Variants in SLC26A9 observed in about 807,000 individuals in gnomAD.
The protein encoded by SLC26A9 is solute carrier family 26 member 9.
A neutral mutation model predicts 87.1 loss-of-function variants in SLC26A9; 46 were observed. That is an observed-to-expected ratio of 0.53 (90% CI 0.42 to 0.67). The LOEUF is 0.67. Among genes scored for constraint, SLC26A9 ranks in the 30% least tolerant of loss-of-function variants. The probability of loss-of-function intolerance (pLI) is 0.00; values close to 1 mark genes in which losing one functional copy is unlikely to be tolerated. For synonymous variants in SLC26A9, 437 were observed against 409.1 expected (o/e 1.07, Z -0.82); for missense variants, 927 against 1,018.3 (o/e 0.91, Z 1.22).
intron 11 of SLC26A9, 77 bp downstream of exon 11, chr1:205,927,134 T>C (rs1659102925): frequency 6.7e-7 from 1 of 1,491,558 alleles, no homozygotes; most frequent in Non-Finnish European, 9.3e-7. Context: ...TTGTGGTCCG[T>C]AAAGTGCCAC....
At chr1:205,930,123 C>CGA in intron 5 of SLC26A9, 67 bp from the exon 6 acceptor site, 2 of 1,502,296 alleles carry the variant, frequency 1.3e-6, no homozygotes, top group Non-Finnish European at 9.0e-7. Context: ...AACGACCCGC[C>CGA]CCACACACAC....
Position 205,915,282 on chromosome 1 carries a change from T to C in SLC26A9, c.*75A>G. ...ACTTTCCTCCGCCCGACACCCCCTG[T>C]GACCCCAGGCTCATCCTTTATGGAA... On this transcript the variant is annotated 3_prime_UTR_variant, in exon 21 of 21. Coordinates refer to ENST00000367135, the MANE Select transcript of SLC26A9 (RefSeq NM_052934.4). The C allele has an allele frequency of 6.2e-7, 1 of 1,607,294 alleles. No homozygotes were observed. The highest frequency in any genetic ancestry group is 1.3e-5 in the African/African-American group (1 of 74,928).
chr1:205,921,880 G>A, intron 16 of SLC26A9, 33 bp from the exon 17 acceptor site: 3 of 1,587,478 alleles, frequency 1.9e-6, no homozygotes, highest in Non-Finnish European at 2.6e-6. Context: ...CAGAGTCAGG[G>A]ACCACCAGAC....
In SLC26A9 at chr1:205,921,821, C is replaced by G. The variant is rs757875271; in HGVS notation, c.1800G>C (p.Gln600His). Reference sequence around the variant, plus strand: ...CGGTGGGGGGCGCATTCTCAAAGTCCTGCTGCAGCTCCTGCAGGGAGACAG... The same window carrying G: ...CGGTGGGGGGCGCATTCTCAAAGTCGTGCTGCAGCTCCTGCAGGGAGACAG... ...TKTVSLQELQ[Q>H]DFENAPPTDP... Residue 600 changes from glutamine to histidine, a missense_variant, in exon 17 of 21, where the codon CAG becomes CAC. By Grantham distance (24) the Gln-to-His change is conservative. Transcript: ENST00000367135. 91 of 1,607,168 alleles carry G rather than the reference C, an allele frequency of 5.7e-5. No individual in the cohort carries two copies. The highest frequency in any genetic ancestry group is 7.6e-5 in the Non-Finnish European group (90 of 1,178,054).
intron 2 of SLC26A9, among the ~76,000 whole-genome samples, chr1:205,934,113 A>C (rs531006944): frequency 6.6e-6 from 1 of 152,186 alleles, no homozygotes; most frequent in South Asian, 2.1e-4. Flanking sequence ...TTTCCCTGAC[A>C]CTCGGTCCCC....
chr1:205,930,162 C>T (rs566185848), intron 5 of SLC26A9, 106 bp from the exon 6 acceptor site: 27 of 1,258,284 alleles, frequency 2.1e-5, no homozygotes, highest in Non-Finnish European at 2.7e-5. Flanking sequence ...GCAGTCCTAG[C>T]GTAGCAGTAG....
At position 205,913,055 on chromosome 1, in the gene SLC26A9, A is replaced by G. The variant is rs1658438567; in HGVS notation, c.*2302T>C. ...ACCACCCAAACATGTGCATTTGTTC[A>G]CAATTCAAATCCAGTTTATTACCAA... On this transcript the variant is annotated 3_prime_UTR_variant, in exon 21 of 21. Transcript: ENST00000367135. 1 of 152,232 alleles carries G rather than the reference A, an allele frequency of 6.6e-6. No individual in the cohort carries two copies. The highest frequency in any genetic ancestry group is 2.1e-4 in the South Asian group (1 of 4,832). The allele number at this position is 152,232 out of a possible 1,614,324, so 9.4% of individuals were successfully genotyped here.
Position 205,927,964 on chromosome 1 carries a change from T to C in SLC26A9, c.1039A>G (p.Ile347Val), listed in dbSNP as rs1659149673. ...AGGGTCCGGCCCATAGCCAGGTTGA[T>C]GACGTAGCTCACGATGGCTAGGGAG... ...AFSLAIVSYV[I>V]NLAMGRTLAN... The change falls in exon 9 of 21, where the codon ATC becomes GTC. Residue 347 changes from isoleucine (I) to valine (V), a missense_variant. Ile to Val is a conservative substitution (Grantham distance 29). Transcript: ENST00000367135. 6.2e-7 allele frequency: 1 copy of C among 1,614,070 alleles called. No homozygotes were observed.
rs778174573 is a variant in SLC26A9 at position 205,927,304 on chromosome 1, G to T, written c.1216-16C>A. 2.0e-5 allele frequency: 33 copies of T among 1,614,004 alleles called. No homozygotes were observed. Among genetic ancestry groups the T allele is most frequent in the Non-Finnish European group, 2.6e-5 (31 of 1,179,880 alleles). On this transcript the variant is annotated splice_polypyrimidine_tract_variant and intron_variant, in intron 10 of 20. Coordinates refer to ENST00000367135, the MANE Select transcript of SLC26A9 (RefSeq NM_052934.4). ...GGCTGGCCACCTATTCCGAGAAAGA[G>T]TTGGGGATAGAGGGAAGGTGTGAAA...
chr1:205,917,847 A>G (rs1214958710), intron 19 of SLC26A9, among the ~76,000 whole-genome samples: 1 of 152,206 alleles, frequency 6.6e-6, no homozygotes, highest in Non-Finnish European at 1.5e-5. Context: ...AATCAAGTAT[A>G]CATACCAACT....
chr1:205,927,161 G>A (rs369766535), intron 11 of SLC26A9, 50 bp downstream of exon 11: 2 of 1,590,960 alleles, frequency 1.3e-6, no homozygotes, highest in Non-Finnish European at 1.7e-6. Flanking sequence ...CTCAGGGATT[G>A]TTCTTATTGG....
chr1:205,918,884 G>C lies in SLC26A9; in HGVS notation c.2212C>G (p.Gln738Glu), dbSNP rs1200991362. 1 of 1,614,180 alleles carries C rather than the reference G, an allele frequency of 6.2e-7. No individual in the cohort carries two copies. The highest frequency in any genetic ancestry group is 1.7e-5 in the Admixed American group (1 of 60,020). Residue 738 changes from glutamine to glutamate, a missense_variant, in exon 19 of 21, where the codon CAG becomes GAG. Physicochemically the swap from Gln to Glu is conservative, Grantham distance 29. Coordinates refer to ENST00000367135, the MANE Select transcript of SLC26A9 (RefSeq NM_052934.4). The part of the protein sequence containing the change: ...PSIHDAVLFA[Q>E]ANARDVTPGH... ...GGGGTCACGTCTCTAGCATTTGCCT[G>C]GGCAAAGAGGACTGCGTCATGTATG...
Position 205,913,993 on chromosome 1 carries a change from C to T in SLC26A9, c.*1364G>A, listed in dbSNP as rs1356538823. ...CAGTGATGAGAGGCCAGAAGATTTT[C>T]TGTGCATTTCCACTGAAATTTTACA... On this transcript the variant is annotated 3_prime_UTR_variant, in exon 21 of 21. Coordinates refer to ENST00000367135, the MANE Select transcript of SLC26A9 (RefSeq NM_052934.4). 6.6e-6 allele frequency: 1 copy of T among 152,216 alleles called. No homozygotes were observed. Among genetic ancestry groups the T allele is most frequent in the Non-Finnish European group, 1.5e-5 (1 of 68,034 alleles). The allele number at this position is 152,216 out of a possible 1,614,324, so 9.4% of individuals were successfully genotyped here. A position where few individuals can be genotyped will look rare whatever the true frequency, so the allele number is the denominator to read the frequency against.
At position 205,935,771 on chromosome 1, in the gene SLC26A9, AG is replaced by A; in HGVS notation, c.49del (p.Thr18ProfsTer95). 6.2e-7 allele frequency: 1 copy of A among 1,614,040 alleles called. No individual in the cohort carries two copies. The highest frequency in any genetic ancestry group is 8.5e-7 in the Non-Finnish European group (1 of 1,179,948). On this transcript the variant is annotated frameshift_variant, in exon 2 of 21. Coordinates refer to ENST00000367135, the MANE Select transcript of SLC26A9 (RefSeq NM_052934.4). LOFTEE classifies it high-confidence loss of function. ...RYVVDRAAYS[L>X]TLFDDEFEKK... ...CTCAAACTCATCGTCGAAGAGGGTA[AG>A]GGAGTATGCGGCTCTGTCTACCACG... is the stretch of plus-strand genomic sequence containing the variant.
intron 4 of SLC26A9, 31 bp from the exon 5 acceptor site, chr1:205,932,066 A>G (rs753283491): frequency 9.9e-6 from 16 of 1,611,658 alleles, no homozygotes; most frequent in Non-Finnish European, 1.1e-5. Flanking sequence ...AGCAAAAATC[A>G]GAGGTTTGAA....
intron 16 of SLC26A9, among the ~76,000 whole-genome samples, 169 bp downstream of exon 16, chr1:205,922,912 GA>G (rs1056062217): frequency 2.6e-5 from 4 of 151,464 alleles, no homozygotes; most frequent in Non-Finnish European, 5.9e-5. Flanking sequence ...AAAAGAAAAA[GA>G]AAAAAAAGAA....
At chr1:205,932,445 A>G (rs1354092807) in intron 4 of SLC26A9, among the ~76,000 whole-genome samples, 2 of 152,220 alleles carry the variant, frequency 1.3e-5, no homozygotes, top group African/African-American at 2.4e-5. Context: ...CATATGGTAT[A>G]TCTTGTTCTG....
chr1:205,914,907 C>T lies in SLC26A9; in HGVS notation c.*450G>A, dbSNP rs1344165597. 3 of 1,612,494 alleles carry T rather than the reference C, an allele frequency of 1.9e-6. No individual in the cohort carries two copies. Among genetic ancestry groups the T allele is most frequent in the East Asian group, 2.2e-5 (1 of 44,896 alleles). ...AAGTTTATCCCTATGTCCGTGACAG[C>T]CTGACACCATCTGACACCGAGCCGT... On this transcript the variant is annotated 3_prime_UTR_variant, in exon 21 of 21. Transcript: ENST00000367135.
Position 205,927,566 on chromosome 1 carries a change from A to C in SLC26A9, c.1141T>G (p.Phe381Val). Residue 381 changes from phenylalanine to valine, a missense_variant, in exon 10 of 21, where the codon TTC becomes GTC. By Grantham distance (50) the Phe-to-Val change is conservative. Transcript: ENST00000367135. ...CAGCAAATGACATGAATTTTAAAGA[A>C]GGAGCCAAAGAAGTTGCTGCAGCCG... ...ALGCSNFFGS[F>V]FKIHVICCAL... 6.2e-7 allele frequency: 1 copy of C among 1,614,148 alleles called. No individual in the cohort carries two copies. Among genetic ancestry groups the C allele is most frequent in the Non-Finnish European group, 8.5e-7 (1 of 1,180,014 alleles).
Sources: allele counts gnomAD v4.1 joint callset (sites outside exome capture counted in the v4.1 genomes callset), GRCh38; gene constraint gnomAD v4.1.1; transcripts MANE v1.5; gene names NCBI Gene and HGNC (gene_info 2026-07-23, HGNC 2026-07-21).